ADAMTS9: variants seen among roughly 807,000 people sequenced by gnomAD.
ADAMTS9 encodes ADAM metallopeptidase with thrombospondin type 1 motif 9.
ADAMTS9 carries 107 observed loss-of-function variants against 257.1 expected under a neutral mutation model. The ratio of observed to expected loss-of-function variants is 0.42; its 90% confidence interval spans 0.36 to 0.49. ADAMTS9 has a LOEUF of 0.49. ADAMTS9 is among the 20% of genes least tolerant of loss of function. The pLI is 0.03. For synonymous variants in ADAMTS9, 982 were observed against 880.9 expected, an observed-to-expected ratio of 1.11 and a Z score of -2.03; for missense variants, 2,353 against 2,469.1, an observed-to-expected ratio of 0.95 and a Z score of 1.00.
chr3:64,626,838 C>G (rs1700235135), intron 16 of ADAMTS9, among the ~76,000 whole-genome samples: 1 of 152,178 alleles, frequency 6.6e-6, no homozygotes, highest in Admixed American at 6.5e-5. Flanking sequence ...CCAAATGACT[C>G]TTTCTCAGTC....
chr3:64,669,325 C>T (rs1701426547), intron 3 of ADAMTS9, among the ~76,000 whole-genome samples: 1 of 152,116 alleles, frequency 6.6e-6, no homozygotes, highest in Non-Finnish European at 1.5e-5. Flanking sequence ...CTTCCCAAAG[C>T]TCATTTGAGT....
At chr3:64,662,386 G>A (rs1011120783) in intron 3 of ADAMTS9, among the ~76,000 whole-genome samples, 1 of 152,114 alleles carries the variant, frequency 6.6e-6, no homozygotes, top group African/African-American at 2.4e-5. Context: ...TGTTTGTGGG[G>A]TAACGTGTCC....
At position 64,561,676 on chromosome 3, in the gene ADAMTS9, C is replaced by T; in HGVS notation, c.4600G>A (p.Glu1534Lys). 1 of 1,613,970 alleles carries T rather than the reference C, an allele frequency of 6.2e-7. No homozygotes were observed. ...CQIGTHKIAR[E>K]TECNPYTRPE... ...CTGGTGTATGGGTTGCACTCGGTCTCTCTGGCTATTTTGTGTGTTCCGATC... is the reference window on the plus strand; with the variant it reads ...CTGGTGTATGGGTTGCACTCGGTCTTTCTGGCTATTTTGTGTGTTCCGATC... The change falls in exon 30 of 40, where the codon GAG becomes AAG. Residue 1534 changes from glutamate to lysine, a missense_variant. Coordinates refer to ENST00000498707, the MANE Select transcript of ADAMTS9 (RefSeq NM_182920.2).
rs1298369307 is a variant in ADAMTS9 at position 64,643,540 on chromosome 3, C to T, written c.1711-1547G>A. ...CAATCATGGCTCACTGCAGCCTCAACGTCCCAGGCTCAACTGATCCTCCCA... is the reference window on the plus strand; with the variant it reads ...CAATCATGGCTCACTGCAGCCTCAATGTCCCAGGCTCAACTGATCCTCCCA... On this transcript the variant is annotated intron_variant, in intron 11 of 39. Transcript: ENST00000498707. Among the ~76,000 whole-genome samples, 8 of 146,260 alleles carry T rather than the reference C, an allele frequency of 5.5e-5. No homozygotes were observed. In the East Asian group the frequency reaches 6.1e-4, roughly 11 times the overall value.
chr3:64,561,383 G>A lies in ADAMTS9; in HGVS notation c.4698+195C>T, dbSNP rs551718171. 6.6e-4 allele frequency: 309 copies of A among 469,472 alleles called. 2 individuals are homozygous for A. The highest frequency in any genetic ancestry group is 3.5e-3 in the Middle Eastern group (6 of 1,718). The allele number at this position is 469,472 out of a possible 1,614,324, so 29.1% of individuals were successfully genotyped here. On this transcript the variant is annotated intron_variant, in intron 30 of 39. Transcript: ENST00000498707. ...CACTCAGGAATACAGACAGACGTAGGAATTGCTTAAAAACAAGAAGTTCTC... is the reference window on the plus strand; with the variant it reads ...CACTCAGGAATACAGACAGACGTAGAAATTGCTTAAAAACAAGAAGTTCTC...
chr3:64,543,076 A>C (rs1215141505), intron 32 of ADAMTS9, among the ~76,000 whole-genome samples: 2 of 152,240 alleles, frequency 1.3e-5, no homozygotes, highest in African/African-American at 2.4e-5. Flanking sequence ...AAAGAAGTTG[A>C]ATCCCTGAAT....
rs371134997 is a variant in ADAMTS9, at chr3:64,541,403, C to T, written c.5304G>A (p.Ala1768=). The change falls in exon 35 of 40, where the codon GCG becomes GCA. Residue 1768 remains alanine (A), a synonymous_variant. Transcript: ENST00000498707. ...CTTTGGGGTGGTCAGAGTGCATCCC[C>T]GCACAGAATATCTGAAAGACCATAA... ...IRGKLLKIFC[A]GMHSDHPKEY... 1.2e-4 allele frequency: 192 copies of T among 1,613,910 alleles called. No homozygotes were observed. The highest frequency in any genetic ancestry group is 1.6e-4 in the Middle Eastern group (1 of 6,084).
At chr3:64,652,986 T>A (rs1700970446) in intron 8 of ADAMTS9, among the ~76,000 whole-genome samples, 1 of 152,182 alleles carries the variant, frequency 6.6e-6, no homozygotes. Flanking sequence ...AAGGTATACA[T>A]GAAACATAAA....
At chr3:64,683,569 G>C (rs1232011631) in intron 2 of ADAMTS9, among the ~76,000 whole-genome samples, 1 of 152,132 alleles carries the variant, frequency 6.6e-6, no homozygotes, top group Non-Finnish European at 1.5e-5. Flanking sequence ...GTTCTTGGAG[G>C]ATTTGGATGA....
At chr3:64,580,859 CTTGT>C (rs2106741552) in intron 28 of ADAMTS9, among the ~76,000 whole-genome samples, 1 of 152,264 alleles carries the variant, frequency 6.6e-6, no homozygotes, top group South Asian at 2.1e-4. Context: ...TCTATTCAGG[CTTGT>C]TTCTTTTATG....
chr3:64,581,064 T>G (rs1025865550), intron 28 of ADAMTS9, among the ~76,000 whole-genome samples: 1 of 152,136 alleles, frequency 6.6e-6, no homozygotes, highest in Non-Finnish European at 1.5e-5. Context: ...TAAGACCTAT[T>G]TTGCAAGGAT....
At chr3:64,617,778 G>T (rs1163288685) in intron 19 of ADAMTS9, among the ~76,000 whole-genome samples, 1 of 152,100 alleles carries the variant, frequency 6.6e-6, no homozygotes, top group Non-Finnish European at 1.5e-5. Flanking sequence ...ACCTCCACAG[G>T]GGGAAGGAGA....
intron 20 of ADAMTS9, among the ~76,000 whole-genome samples, 189 bp from the exon 21 acceptor site, chr3:64,615,674 G>A (rs992429142): frequency 1.3e-5 from 2 of 152,062 alleles, no homozygotes; most frequent in African/African-American, 4.8e-5. Flanking sequence ...CTCAAAATTA[G>A]CTCATTGGCA....
At position 64,687,474 on chromosome 3, in the gene ADAMTS9, C is replaced by T. The variant is rs939425891; in HGVS notation, c.115+69G>A. The T allele has an allele frequency of 7.7e-7, 1 of 1,293,066 alleles. No individual in the cohort carries two copies. The highest frequency in any genetic ancestry group is 1.0e-6 in the Non-Finnish European group (1 of 956,736). 80.1% of individuals were successfully genotyped at this position (1,293,066 alleles called of 1,614,324 possible). On this transcript the variant is annotated intron_variant, in intron 1 of 39. Transcript: ENST00000498707. This position sits in a 1 kb window ranked among gnomAD's most constrained non-coding sequence, Gnocchi z 4.4. ...GAGAAGCCTCCGCTGCGGGGTGCCC[C>T]TGCCCAGGAGCGAGGACCGGGAGGC...
At chr3:64,678,335 G>A (rs1047215364) in intron 3 of ADAMTS9, among the ~76,000 whole-genome samples, 1 of 152,212 alleles carries the variant, frequency 6.6e-6, no homozygotes, top group East Asian at 1.9e-4. Context: ...AAGCACTGAT[G>A]TAGAAAGTCA....
intron 3 of ADAMTS9, among the ~76,000 whole-genome samples, chr3:64,671,779 T>C (rs1701496410): frequency 6.6e-6 from 1 of 152,218 alleles, no homozygotes; most frequent in Non-Finnish European, 1.5e-5. Context: ...AGATTATTTA[T>C]TAATGATTTT....
chr3:64,613,679 T>G (rs557718634), intron 21 of ADAMTS9, among the ~76,000 whole-genome samples, 170 bp from the exon 22 acceptor site: 19 of 152,318 alleles, frequency 1.2e-4, no homozygotes, highest in African/African-American at 4.3e-4. Flanking sequence ...GTTCGTTCAT[T>G]TATTCATTCA....
chr3:64,647,206 T>A (rs539895998), intron 11 of ADAMTS9, among the ~76,000 whole-genome samples: 4 of 152,322 alleles, frequency 2.6e-5, no homozygotes, highest in Non-Finnish European at 5.9e-5. Flanking sequence ...GTGTATTTTT[T>A]TTTTAAATCA....
chr3:64,677,223 G>A (rs904149304), intron 3 of ADAMTS9, among the ~76,000 whole-genome samples: 1 of 152,088 alleles, frequency 6.6e-6, no homozygotes, highest in Non-Finnish European at 1.5e-5. Context: ...GCAGTCACAA[G>A]GGCATGCCAT....
Sources: gnomAD v4.1 joint callset for allele counts (sites outside exome capture counted in the v4.1 genomes callset) on GRCh38, gnomAD v4.1.1 for gene constraint, Gnocchi (gnomAD v3.1) non-coding constraint, MANE v1.5 for transcripts, NCBI Gene and HGNC (gene_info 2026-07-23, HGNC 2026-07-21) for gene names.